The following DDI2 variants were observed in gnomAD, a reference collection of about 807,000 sequenced individuals.
DDI2 encodes DDI proteasomal shuttling factor 2, also known as protein DDI1 homolog 2.
In DDI2, 5 loss-of-function variants were observed where a neutral mutation model predicts 48.1. The observed-to-expected ratio is 0.10, with a 90% CI of 0.05 to 0.22. DDI2 has a LOEUF of 0.22. DDI2 is among the 10% of genes least tolerant of loss of function. The pLI is 1.00. For missense variants in DDI2, 285 were observed against 506.2 expected (o/e 0.56, Z 4.19); for synonymous variants, 205 against 183.6 (o/e 1.12, Z -0.94).
intron 9 of DDI2, 22 bp downstream of exon 9, chr1:15,656,701 A>T: frequency 6.2e-7 from 1 of 1,613,776 alleles, no homozygotes; most frequent in Non-Finnish European, 8.5e-7. Flanking sequence ...CACCATGTTA[A>T]GCCTTCCATC....
At chr1:15,647,992 G>C (rs1251363512) in intron 6 of DDI2, among the ~76,000 whole-genome samples, 1 of 152,110 alleles carries the variant, frequency 6.6e-6, no homozygotes, top group Non-Finnish European at 1.5e-5. Context: ...ACAAATAAAA[G>C]AGTGGTTTCT....
chr1:15,634,003 C>G, intron 4 of DDI2: 1 of 307,288 alleles, frequency 3.3e-6, no homozygotes, highest in Admixed American at 4.4e-5. Flanking sequence ...GGCTCTGCGC[C>G]GATGGAACGT....
intron 9 of DDI2, 198 bp downstream of exon 9, chr1:15,656,877 A>G: frequency 1.5e-6 from 1 of 658,392 alleles, no homozygotes; most frequent in Non-Finnish European, 2.4e-6. Context: ...TTAAAAATGG[A>G]TTCGTTATTA....
At chr1:15,649,855 T>A (rs766565074) in intron 7 of DDI2, 32 bp downstream of exon 7, 36 of 1,589,708 alleles carry the variant, frequency 2.3e-5, no homozygotes, top group Non-Finnish European at 2.9e-5. Flanking sequence ...TTTTTTTGCA[T>A]CTGCTTTTTG....
At position 15,660,454 on chromosome 1, in the gene DDI2, C is replaced by T; in HGVS notation, c.*664C>T. Reference sequence around the variant, plus strand: ...AGAATATCTTTGTAACATAGGGGACCTTGAGCTTCCTGAAGAAAGGCAACA... The same window carrying T: ...AGAATATCTTTGTAACATAGGGGACTTTGAGCTTCCTGAAGAAAGGCAACA... On this transcript the variant is annotated 3_prime_UTR_variant, in exon 10 of 10. Transcript: ENST00000480945. 3 of 1,614,104 alleles carry T rather than the reference C, an allele frequency of 1.9e-6. No homozygotes were observed. The highest frequency in any genetic ancestry group is 1.1e-5 in the South Asian group (1 of 91,076).
rs946168584 is a variant in DDI2 at position 15,661,947 on chromosome 1, A to C, written c.*2157A>C. 3.3e-5 allele frequency: 18 copies of C among 543,414 alleles called. No individual in the cohort carries two copies. The highest frequency in any genetic ancestry group is 2.5e-4 in the African/African-American group (13 of 51,974). 33.7% of individuals were successfully genotyped at this position (543,414 alleles called of 1,614,324 possible). ...TACTTGTTAAAATTTAGGCCTTTTT[A>C]AATGTATTGGCAGTATGTGCATACA... On this transcript the variant is annotated 3_prime_UTR_variant, in exon 10 of 10. Transcript: ENST00000480945.
At chr1:15,618,193 A>G (rs766271612) in intron 1 of DDI2, among the ~76,000 whole-genome samples, 1 of 151,336 alleles carries the variant, frequency 6.6e-6, no homozygotes, top group Non-Finnish European at 1.5e-5. Flanking sequence ...TAGGATTCAT[A>G]CATCCTGCAA....
chr1:15,645,683 A>G (rs1570982810), intron 6 of DDI2, among the ~76,000 whole-genome samples: 1 of 152,098 alleles, frequency 6.6e-6, no homozygotes, highest in Non-Finnish European at 1.5e-5. Flanking sequence ...AGCCTGGGCA[A>G]CATAGGGAGA....
intron 4 of DDI2, among the ~76,000 whole-genome samples, chr1:15,634,464 A>C (rs1333426003): frequency 6.6e-6 from 1 of 151,916 alleles, no homozygotes; most frequent in African/African-American, 2.4e-5. Flanking sequence ...ATGAAGCCTA[A>C]CTTGGTCATT....
rs915850211 is a variant in DDI2, at chr1:15,668,093, G to C, written c.*8303G>C. On this transcript the variant is annotated 3_prime_UTR_variant, in exon 10 of 10. Coordinates refer to ENST00000480945, the MANE Select transcript of DDI2 (RefSeq NM_032341.5). The stretch of plus-strand genomic sequence containing the variant: ...GAAGGTTTTTATTAGCTAATTTGGG[G>C]AGGGGGGCATGCTGCAGTATTTTTT... 2 of 152,106 alleles carry C rather than the reference G, an allele frequency of 1.3e-5. No individual in the cohort carries two copies. Among genetic ancestry groups the C allele is most frequent in the African/African-American group, 2.4e-5 (1 of 41,396 alleles). The allele number at this position is 152,106 out of a possible 1,614,324, so 9.4% of individuals were successfully genotyped here.
chr1:15,643,512 A>C lies in DDI2; in HGVS notation c.761-10A>C. Reference sequence around the variant, plus strand: ...TGTTTTTATTGTCTGATGTTTCTCTACTCCTCCAGGTGCCCAGATGACTAT... The same window carrying C: ...TGTTTTTATTGTCTGATGTTTCTCTCCTCCTCCAGGTGCCCAGATGACTAT... On this transcript the variant is annotated splice_polypyrimidine_tract_variant and intron_variant, in intron 5 of 9. Coordinates refer to ENST00000480945, the MANE Select transcript of DDI2 (RefSeq NM_032341.5). 1 of 1,609,108 alleles carries C rather than the reference A, an allele frequency of 6.2e-7. No individual in the cohort carries two copies. Among genetic ancestry groups the C allele is most frequent in the Non-Finnish European group, 8.5e-7 (1 of 1,178,248 alleles).
chr1:15,638,211 A>T lies in DDI2; in HGVS notation c.633-96A>T, dbSNP rs1639955787. Reference sequence around the variant, plus strand: ...TCGGCTGCTGTGCTTGGGGCAAAAGATATGTACAAATCTGTTTTTTAATAT... The same window carrying T: ...TCGGCTGCTGTGCTTGGGGCAAAAGTTATGTACAAATCTGTTTTTTAATAT... On this transcript the variant is annotated intron_variant, in intron 4 of 9. Coordinates refer to ENST00000480945, the MANE Select transcript of DDI2 (RefSeq NM_032341.5). 11 of 1,569,330 alleles carry T rather than the reference A, an allele frequency of 7.0e-6. No homozygotes were observed. The South Asian group carries it at 1.1e-4, about 16-fold the overall frequency.
Position 15,666,156 on chromosome 1 carries a change from T to G in DDI2, c.*6366T>G, listed in dbSNP as rs1351231255. On this transcript the variant is annotated 3_prime_UTR_variant, in exon 10 of 10. Coordinates refer to ENST00000480945, the MANE Select transcript of DDI2 (RefSeq NM_032341.5). Reference sequence around the variant, plus strand: ...AGCCTGTCCTTGAGAACTGGAAATGTAAAATCATGGTTCAAGTTTTATACC... The same window carrying G: ...AGCCTGTCCTTGAGAACTGGAAATGGAAAATCATGGTTCAAGTTTTATACC... 6.6e-6 allele frequency: 1 copy of G among 152,262 alleles called. No individual in the cohort carries two copies. The highest frequency in any genetic ancestry group is 1.5e-5 in the Non-Finnish European group (1 of 68,050). The allele number at this position is 152,262 out of a possible 1,614,324, so 9.4% of individuals were successfully genotyped here.
chr1:15,636,906 T>C (rs1481234649), intron 4 of DDI2, among the ~76,000 whole-genome samples: 1 of 152,250 alleles, frequency 6.6e-6, no homozygotes, highest in East Asian at 1.9e-4. Flanking sequence ...TATATCACTG[T>C]GTTTCCATAA....
At chr1:15,644,566 TTTTTC>T (rs1184031358) in intron 6 of DDI2, among the ~76,000 whole-genome samples, 217 of 151,282 alleles carry the variant, frequency 1.4e-3, no homozygotes, top group Non-Finnish European at 2.9e-3. Context: ...GAAAGTTTTC[TTTTTC>T]TTTTCAGTTT....
At chr1:15,634,819 AC>A (rs1639902929) in intron 4 of DDI2, among the ~76,000 whole-genome samples, 1 of 152,100 alleles carries the variant, frequency 6.6e-6, no homozygotes. Flanking sequence ...GGGATGAGCC[AC>A]TGCACTTAGC....
At position 15,659,918 on chromosome 1, in the gene DDI2, C is replaced by A. The variant is rs1640335682; in HGVS notation, c.*128C>A. The A allele has an allele frequency of 6.2e-7, 1 of 1,609,104 alleles. No homozygotes were observed. The highest frequency in any genetic ancestry group is 8.5e-7 in the Non-Finnish European group (1 of 1,178,598). On this transcript the variant is annotated 3_prime_UTR_variant, in exon 10 of 10. Coordinates refer to ENST00000480945, the MANE Select transcript of DDI2 (RefSeq NM_032341.5). ...GGGTTTAACCATCCCGCCCGTTCTT[C>A]AGGACAGAGTCCTGATGTTGGTAAT... is the stretch of plus-strand genomic sequence containing the variant.
chr1:15,628,732 G>C (rs7545782), intron 2 of DDI2, among the ~76,000 whole-genome samples: 48,984 of 140,758 alleles, frequency 0.35, 8,757 homozygotes, highest in African/African-American at 0.51. Flanking sequence ...TATTGAGATA[G>C]AATTCATGCA....
intron 1 of DDI2, among the ~76,000 whole-genome samples, chr1:15,621,064 A>G (rs1472482044): frequency 3.3e-5 from 5 of 152,202 alleles, no homozygotes; most frequent in African/African-American, 1.2e-4. Flanking sequence ...AATTTAGAAC[A>G]AGCCATCTCT....
Sources: gnomAD v4.1 joint callset for allele counts (sites outside exome capture counted in the v4.1 genomes callset) on GRCh38, gnomAD v4.1.1 for gene constraint, MANE v1.5 for transcripts, NCBI Gene and HGNC (gene_info 2026-07-23, HGNC 2026-07-21) for gene names.